Variants in XIRP2 observed in about 807,000 individuals in gnomAD.
XIRP2 encodes the protein xin actin binding repeat containing 2, also known as xin actin-binding repeat-containing protein 2.
A neutral mutation model predicts 277.0 loss-of-function variants in XIRP2; 236 were observed. The ratio of observed to expected loss-of-function variants is 0.85; its 90% CI spans 0.77 to 0.95. XIRP2 has a LOEUF of 0.95. XIRP2 is among the 40% of genes least tolerant of loss of function. The probability of loss-of-function intolerance (pLI) is 0.00; values close to 1 mark genes in which losing one functional copy is unlikely to be tolerated. For missense variants in XIRP2, 4,640 were observed against 4,157.5 expected (o/e 1.12, Z -3.19); for synonymous variants, 1,490 against 1,416.5 (o/e 1.05, Z -1.17).
Position 167,251,999 on chromosome 2 carries a change from T to A in XIRP2, c.10555+52T>A, listed in dbSNP as rs1695525617. The stretch of plus-strand genomic sequence containing the variant: ...AAGATTAACCATTTAAAGGCATGTG[T>A]TCCATAGCCAAAATGATGTACAGTT... On this transcript the variant is annotated intron_variant, in intron 9 of 10. Transcript: ENST00000409195. 2.0e-6 allele frequency: 3 copies of A among 1,510,564 alleles called. No homozygotes were observed. The African/African-American group carries it at 4.2e-5, about 21-fold the overall frequency. The allele number at this position is 1,510,564 out of a possible 1,614,324, so 93.6% of individuals were successfully genotyped here.
At chr2:167,023,905 G>A (rs907177206) in intron 2 of XIRP2, among the ~76,000 whole-genome samples, 1 of 152,102 alleles carries the variant, frequency 6.6e-6, no homozygotes, top group Non-Finnish European at 1.5e-5. Context: ...CTCTGGCTGT[G>A]TTCTTTTGGC....
chr2:167,005,188 C>T (rs1687475732), intron 2 of XIRP2, among the ~76,000 whole-genome samples: 1 of 151,874 alleles, frequency 6.6e-6, no homozygotes, highest in Admixed American at 6.6e-5. Context: ...AGTCCCACTG[C>T]ACATAATAAG....
At chr2:166,914,387 C>T (rs183985878) in intron 2 of XIRP2, among the ~76,000 whole-genome samples, 1 of 152,304 alleles carries the variant, frequency 6.6e-6, no homozygotes, top group Non-Finnish European at 1.5e-5. Flanking sequence ...GTCACCCAGG[C>T]TGGAGTGCAG....
intron 2 of XIRP2, among the ~76,000 whole-genome samples, chr2:167,090,442 C>G (rs1690106977): frequency 6.6e-6 from 1 of 151,896 alleles, no homozygotes; most frequent in Non-Finnish European, 1.5e-5. Context: ...ACTTTATGGT[C>G]TTTTGTTTTA....
intron 4 of XIRP2, among the ~76,000 whole-genome samples, chr2:167,217,822 G>A (rs1323934796): frequency 1.3e-5 from 2 of 152,064 alleles, no homozygotes; most frequent in Non-Finnish European, 2.9e-5. Context: ...TTAAAATTGA[G>A]TCCATTATTC....
chr2:166,889,024 G>A (rs886289109), intron 1 of XIRP2, among the ~76,000 whole-genome samples: 1 of 150,954 alleles, frequency 6.6e-6, no homozygotes, highest in Non-Finnish European at 1.5e-5. Context: ...ACAAAGCCAT[G>A]ACCCTCAGGG....
chr2:167,204,810 ATT>A (rs971990302), intron 3 of XIRP2, among the ~76,000 whole-genome samples: 2 of 151,900 alleles, frequency 1.3e-5, no homozygotes, highest in African/African-American at 2.4e-5. Context: ...TCTCGCATAA[ATT>A]TTTTTTACTT....
chr2:167,159,995 T>C (rs960202423), intron 3 of XIRP2, among the ~76,000 whole-genome samples: 1 of 152,200 alleles, frequency 6.6e-6, no homozygotes, highest in Non-Finnish European at 1.5e-5. Context: ...TAGAATTACA[T>C]GTGCAGGCTT....
At chr2:167,227,068 T>C (rs1694623616) in intron 5 of XIRP2, among the ~76,000 whole-genome samples, 1 of 152,130 alleles carries the variant, frequency 6.6e-6, no homozygotes, top group South Asian at 2.1e-4. Context: ...ACTATGACAG[T>C]ACAAACATAA....
chr2:167,128,553 G>A (rs188290718), intron 2 of XIRP2, among the ~76,000 whole-genome samples: 7 of 152,228 alleles, frequency 4.6e-5, no homozygotes, highest in South Asian at 2.1e-4. Context: ...TATCCGGGGC[G>A]GTCCTGGAGC....
chr2:167,241,680 G>T (rs930140075), intron 7 of XIRP2, 97 bp from the exon 8 acceptor site: 5 of 1,387,544 alleles, frequency 3.6e-6, no homozygotes, highest in Admixed American at 4.9e-5. Flanking sequence ...AAAGTATTGG[G>T]ATTACAGGAA....
At chr2:167,082,921 T>C (rs979449511) in intron 2 of XIRP2, among the ~76,000 whole-genome samples, 7 of 152,230 alleles carry the variant, frequency 4.6e-5, no homozygotes, top group Non-Finnish European at 8.8e-5. Context: ...GTAGTTTCTT[T>C]TGCTGTGCAG....
chr2:167,029,378 C>T (rs1186835325), intron 2 of XIRP2, among the ~76,000 whole-genome samples: 1 of 152,058 alleles, frequency 6.6e-6, no homozygotes, highest in African/African-American at 2.4e-5. Context: ...AGATACGTTC[C>T]CTCAATACCT....
At chr2:167,022,561 T>C (rs1240430414) in intron 2 of XIRP2, among the ~76,000 whole-genome samples, 2 of 152,110 alleles carry the variant, frequency 1.3e-5, no homozygotes, top group South Asian at 2.1e-4. Flanking sequence ...AACTCGTCAT[T>C]TAGCATTAGG....
chr2:167,074,679 T>G (rs148022921), intron 2 of XIRP2, among the ~76,000 whole-genome samples: 1 of 151,866 alleles, frequency 6.6e-6, no homozygotes, highest in Non-Finnish European at 1.5e-5. Flanking sequence ...TCTCACTGTT[T>G]CCCAGACTGG....
chr2:167,157,620 C>A lies in XIRP2; in HGVS notation c.562+21558C>A, dbSNP rs1574307019. Among the ~76,000 whole-genome samples, 2 of 152,176 alleles carry A rather than the reference C, an allele frequency of 1.3e-5. 1 individual carries two copies. The highest frequency in any genetic ancestry group is 6.8e-3 in the Middle Eastern group (2 of 294). On this transcript the variant is annotated intron_variant, in intron 3 of 10. Coordinates refer to ENST00000409195, the MANE Select transcript of XIRP2 (RefSeq NM_152381.6). ...AGTTCACTAAAAATAAGTGCTTTTT[C>A]ATTACTTTTAGCAAAAGTATGAGGA...
chr2:167,115,131 G>A (rs563777234), intron 2 of XIRP2, among the ~76,000 whole-genome samples: 1 of 152,224 alleles, frequency 6.6e-6, no homozygotes, highest in East Asian at 1.9e-4. Context: ...TTTAAAGATT[G>A]CCATTCTAAC....
At chr2:167,036,905 G>A (rs564936885) in intron 2 of XIRP2, among the ~76,000 whole-genome samples, 3 of 152,130 alleles carry the variant, frequency 2.0e-5, no homozygotes, top group Admixed American at 2.0e-4. Flanking sequence ...TTTATCAGGG[G>A]TTTCCACTTT....
chr2:167,144,891 G>A (rs941127469), intron 3 of XIRP2, among the ~76,000 whole-genome samples: 1 of 152,124 alleles, frequency 6.6e-6, no homozygotes, highest in African/African-American at 2.4e-5. Flanking sequence ...ACTTTGAGTG[G>A]AAGTTCAGAT....
Sources: gnomAD v4.1 joint callset for allele counts (sites outside exome capture counted in the v4.1 genomes callset) on GRCh38, gnomAD v4.1.1 for gene constraint, MANE v1.5 for transcripts, NCBI Gene and HGNC (gene_info 2026-07-23, HGNC 2026-07-21) for gene names.